FAM9C: variants seen among roughly 807,000 people sequenced by gnomAD.
FAM9C encodes family with sequence similarity 9 member C.
FAM9C carries 15 observed loss-of-function variants against 14.8 expected under a neutral mutation model. That is an observed-to-expected ratio of 1.02 (90% CI 0.68 to 1.56). FAM9C has a LOEUF of 1.56. FAM9C is among the 40% of genes most tolerant of loss of function. The probability of loss-of-function intolerance (pLI) is 0.00; values close to 1 mark genes in which losing one functional copy is unlikely to be tolerated. For missense variants in FAM9C, 116 were observed against 118.0 expected, an observed-to-expected ratio of 0.98 and a Z score of 0.08; for synonymous variants, 45 against 37.5, an observed-to-expected ratio of 1.20 and a Z score of -0.74.
intron 1 of FAM9C, 66 bp from the exon 2 acceptor site, chrX:13,043,923 GA>G: frequency 2.9e-6 from 2 of 678,756 alleles, no homozygotes; most frequent in Non-Finnish European, 4.5e-6. Context: ...AAATCATCAG[GA>G]TCGCAGGTTC....
chrX:13,043,608 C>A lies in FAM9C; in HGVS notation c.61+121G>T, dbSNP rs1196397682. The A allele has an allele frequency of 1.5e-5, 13 of 865,996 alleles. No individual in the cohort carries two copies. The Admixed American group carries it at 1.7e-4, about 11-fold the overall frequency. 71.4% of individuals were successfully genotyped at this position (865,996 alleles called of 1,213,427 possible). The stretch of plus-strand genomic sequence containing the variant: ...AACCTGGGGCATCTCAGCACATGCA[C>A]GGTGAGCTCCAAAGCCACGAAGGGG... On this transcript the variant is annotated intron_variant, in intron 2 of 7. Transcript: ENST00000380625.
intron 1 of FAM9C, among the ~76,000 whole-genome samples, chrX:13,044,320 G>GGC (rs1555915122): frequency 3.8e-5 from 2 of 52,495 alleles, no homozygotes; most frequent in African/African-American, 6.7e-5. Flanking sequence ...TTGACCCCCC[G>GGC]ACCCCCCCCC....
At chrX:13,041,177 CTTT>C (rs951045006) in intron 4 of FAM9C, 48 of 106,578 alleles carry the variant, frequency 4.5e-4, no homozygotes, top group South Asian at 6.4e-4. Flanking sequence ...ACTTTAATTT[CTTT>C]TTTTTTTTTT....
chrX:13,043,673 A>G (rs2043549060), intron 2 of FAM9C, 56 bp downstream of exon 2: 1 of 1,190,611 alleles, frequency 8.4e-7, no homozygotes, highest in Admixed American at 2.2e-5. Flanking sequence ...CCGCCCAGAA[A>G]GCAGACAGAC....
chrX:13,043,083 C>G, intron 3 of FAM9C, 45 bp downstream of exon 3: 1 of 1,186,757 alleles, frequency 8.4e-7, no homozygotes, highest in South Asian at 1.9e-5. Context: ...CTGACTTTTC[C>G]TAAAAGACCT....
At chrX:13,039,023 CATA>C (rs1473069712) in intron 6 of FAM9C, among the ~76,000 whole-genome samples, 1 of 111,265 alleles carries the variant, frequency 9.0e-6, no homozygotes, top group Non-Finnish European at 1.9e-5. Flanking sequence ...GCAGTATCTA[CATA>C]ATATTAATAA....
intron 2 of FAM9C, among the ~76,000 whole-genome samples, 166 bp from the exon 3 acceptor site, chrX:13,043,414 A>AT (rs2043545699): frequency 8.9e-6 from 1 of 112,537 alleles, no homozygotes. Context: ...TTACGGAGGC[A>AT]TTTTTGGAAG....
intron 4 of FAM9C, 110 bp downstream of exon 4, chrX:13,042,805 TGAG>T: frequency 1.3e-6 from 1 of 797,183 alleles, no homozygotes; most frequent in Non-Finnish European, 1.9e-6. Flanking sequence ...ATGCTATATA[TGAG>T]AAGAAGGCAT....
Position 13,042,936 on chromosome X carries a change from C to T in FAM9C, c.196G>A (p.Glu66Lys). 8.3e-7 allele frequency: 1 copy of T among 1,198,591 alleles called. No individual in the cohort carries two copies. The highest frequency in any genetic ancestry group is 2.3e-4 in the Middle Eastern group (1 of 4,274). ...TDEHTGVDTKELEDIAADIKE... is the reference protein window; with the variant it reads ...TDEHTGVDTKKLEDIAADIKE... ...AACATACCTGCAATATCTTCTAGCT[C>T]CTTGGTATCAACCCTGTAACAAAAA... is the stretch of plus-strand genomic sequence containing the variant. Residue 66 changes from glutamate to lysine, a missense_variant, in exon 4 of 8, where the codon GAG becomes AAG. Physicochemically the swap from Glu to Lys is moderately conservative, Grantham distance 56 (BLOSUM62 1). Transcript: ENST00000380625.
rs756617147 is a variant in FAM9C, at chrX:13,043,611, T to A, written c.61+118A>T. 4 of 886,111 alleles carry A rather than the reference T, an allele frequency of 4.5e-6. No homozygotes were observed. In the South Asian group the frequency reaches 8.6e-5, roughly 19 times the overall value. The allele number at this position is 886,111 out of a possible 1,213,427, so 73.0% of individuals were successfully genotyped here. ...CTGGGGCATCTCAGCACATGCACGG[T>A]GAGCTCCAAAGCCACGAAGGGGCCG... On this transcript the variant is annotated intron_variant, in intron 2 of 7. Transcript: ENST00000380625.
intron 4 of FAM9C, chrX:13,042,025 T>A (rs772065397): frequency 2.7e-5 from 3 of 112,763 alleles, no homozygotes; most frequent in South Asian, 3.6e-4. Flanking sequence ...ATTATCGCTA[T>A]AGAAGAGCTG....
rs764323266 is a variant in FAM9C, at chrX:13,043,319, C to T, written c.62-71G>A. ...GTTGTGGACATTTTTCATAGAGAAA[C>T]GTACTATTTGTAGACTTTTTTGGCT... On this transcript the variant is annotated intron_variant, in intron 2 of 7. Coordinates refer to ENST00000380625, the MANE Select transcript of FAM9C (RefSeq NM_174901.6). 64 of 1,127,088 alleles carry T rather than the reference C, an allele frequency of 5.7e-5. No individual in the cohort carries two copies. In the South Asian group the frequency reaches 1.1e-3, roughly 20 times the overall value. The allele number at this position is 1,127,088 out of a possible 1,213,427, so 92.9% of individuals were successfully genotyped here. A position where few individuals can be genotyped will look rare whatever the true frequency, so the allele number is the denominator to read the frequency against.
At chrX:13,043,330 T>A (rs2043544438) in intron 2 of FAM9C, 82 bp from the exon 3 acceptor site, 1 of 1,102,795 alleles carries the variant, frequency 9.1e-7, no homozygotes, top group East Asian at 3.0e-5. Flanking sequence ...GTACTATTTG[T>A]AGACTTTTTT....
chrX:13,040,158 A>T, intron 5 of FAM9C: 1 of 313,953 alleles, frequency 3.2e-6, no homozygotes, highest in Non-Finnish European at 4.2e-6. Flanking sequence ...AGGAGGGTTT[A>T]CTGCACTATA....
At chrX:13,041,474 C>T (rs1183067647) in intron 4 of FAM9C, 1 of 111,917 alleles carries the variant, frequency 8.9e-6, no homozygotes, top group Non-Finnish European at 1.9e-5. Flanking sequence ...TGCCCAGCCA[C>T]AGACTTTAAT....
Position 13,041,040 on chromosome X carries a change from C to A in FAM9C, c.215-168G>T, listed in dbSNP as rs144346517. On this transcript the variant is annotated intron_variant, in intron 4 of 7. Coordinates refer to ENST00000380625, the MANE Select transcript of FAM9C (RefSeq NM_174901.6). ...AAGATTTACTTACTTTATGTAAAAC[C>A]TTTCAGGTATTAGTATTCCAATTTC... 755 of 323,584 alleles carry A rather than the reference C, an allele frequency of 2.3e-3. 10 individuals are homozygous for A. The highest frequency in any genetic ancestry group is 0.017 in the African/African-American group (619 of 36,811). 26.7% of individuals were successfully genotyped at this position (323,584 alleles called of 1,213,427 possible).
rs561326926 is a variant in FAM9C, at chrX:13,043,604, T to C, written c.61+125A>G. ...TGAAAACCTGGGGCATCTCAGCACA[T>C]GCACGGTGAGCTCCAAAGCCACGAA... On this transcript the variant is annotated intron_variant, in intron 2 of 7. Coordinates refer to ENST00000380625, the MANE Select transcript of FAM9C (RefSeq NM_174901.6). 1.3e-4 allele frequency: 109 copies of C among 835,308 alleles called. 1 individual carries two copies. In the South Asian group the frequency reaches 2.1e-3, roughly 16 times the overall value. The allele number at this position is 835,308 out of a possible 1,213,427, so 68.8% of individuals were successfully genotyped here. A position where few individuals can be genotyped will look rare whatever the true frequency, so the allele number is the denominator to read the frequency against.
intron 7 of FAM9C, chrX:13,036,357 A>C (rs987839843): frequency 3.6e-5 from 4 of 112,466 alleles, no homozygotes; most frequent in Non-Finnish European, 5.6e-5. Context: ...TTTCAAATTT[A>C]AAAACTGTAA....
Position 13,043,230 on chromosome X carries a change from T to C in FAM9C, c.80A>G (p.His27Arg), listed in dbSNP as rs1322417513. 1 of 1,205,090 alleles carries C rather than the reference T, an allele frequency of 8.3e-7. No individual in the cohort carries two copies. The highest frequency in any genetic ancestry group is 1.8e-5 in the African/African-American group (1 of 57,083). ...MELAGKDPVS[H>R]EHEERKPVTE... Reference sequence around the variant, plus strand: ...AACAGGTTTTCTTTCCTCATGCTCATGACTTACTGGATCCTTTCCTGCATT... The same window carrying C: ...AACAGGTTTTCTTTCCTCATGCTCACGACTTACTGGATCCTTTCCTGCATT... Residue 27 changes from histidine (H) to arginine (R), a missense_variant, in exon 3 of 8, where the codon CAT becomes CGT. By Grantham distance (29) the His-to-Arg change is conservative. Transcript: ENST00000380625.
Sources: gnomAD v4.1 joint callset for allele counts (sites outside exome capture counted in the v4.1 genomes callset) on GRCh38, gnomAD v4.1.1 for gene constraint, MANE v1.5 for transcripts, NCBI Gene and HGNC (gene_info 2026-07-23, HGNC 2026-07-21) for gene names.